The following ZFPM2 variants were observed in gnomAD, a reference collection of about 807,000 sequenced individuals.
ZFPM2 encodes the protein zinc finger protein, FOG family member 2, also known as zinc finger protein ZFPM2.
ZFPM2 carries 20 observed loss-of-function variants against 98.6 expected under a neutral mutation model. That is an observed-to-expected ratio of 0.20 (90% CI 0.14 to 0.29). ZFPM2 has a LOEUF of 0.29. Ranked by LOEUF, ZFPM2 falls within the 10% of genes least tolerant of loss-of-function variation. The probability of loss-of-function intolerance (pLI) is 1.00; values close to 1 mark genes in which losing one functional copy is unlikely to be tolerated. For missense variants in ZFPM2, 1,310 were observed against 1,388.6 expected (o/e 0.94, Z 0.90); for synonymous variants, 518 against 502.7 (o/e 1.03, Z -0.41).
At chr8:105,698,813 A>G (rs1811076022) in intron 5 of ZFPM2, among the ~76,000 whole-genome samples, 1 of 152,150 alleles carries the variant, frequency 6.6e-6, no homozygotes, top group Non-Finnish European at 1.5e-5. Flanking sequence ...CTTCAATTTC[A>G]ATGTTGTTTA....
At chr8:105,434,608 A>C (rs1333890426) in intron 2 of ZFPM2, among the ~76,000 whole-genome samples, 3 of 152,212 alleles carry the variant, frequency 2.0e-5, no homozygotes, top group Admixed American at 6.5e-5. Context: ...TGTGATATCT[A>C]TTCTCTGATA....
At chr8:105,464,946 T>G (rs1246272428) in intron 3 of ZFPM2, among the ~76,000 whole-genome samples, 1 of 138,894 alleles carries the variant, frequency 7.2e-6, no homozygotes, top group African/African-American at 2.9e-5. Flanking sequence ...TGTTTGAAAA[T>G]GCTAAAAAAA....
intron 3 of ZFPM2, among the ~76,000 whole-genome samples, chr8:105,483,948 A>G (rs1319716800): frequency 6.6e-6 from 1 of 151,524 alleles, no homozygotes; most frequent in Non-Finnish European, 1.5e-5. Flanking sequence ...GTTATCCAGG[A>G]TGGTCTCGAT....
chr8:105,384,355 A>C (rs1393850463), intron 1 of ZFPM2, among the ~76,000 whole-genome samples: 1 of 152,198 alleles, frequency 6.6e-6, no homozygotes, highest in Non-Finnish European at 1.5e-5. Context: ...AAGAGAAGTG[A>C]TGATTGCATA....
At chr8:105,760,045 T>G (rs1288363729) in intron 5 of ZFPM2, among the ~76,000 whole-genome samples, 1 of 152,008 alleles carries the variant, frequency 6.6e-6, no homozygotes, top group Non-Finnish European at 1.5e-5. Context: ...GTTCAGGGGC[T>G]TATCCAAAGA....
At chr8:105,440,711 C>T (rs1812219864) in intron 2 of ZFPM2, among the ~76,000 whole-genome samples, 1 of 152,252 alleles carries the variant, frequency 6.6e-6, no homozygotes, top group South Asian at 2.1e-4. Context: ...CACCATAGAA[C>T]AGGAGCTCTA....
At chr8:105,504,560 A>AT (rs1243392095) in intron 3 of ZFPM2, among the ~76,000 whole-genome samples, 1 of 152,108 alleles carries the variant, frequency 6.6e-6, no homozygotes, top group Non-Finnish European at 1.5e-5. Context: ...TCTGTGATAG[A>AT]TTTTCAGTTC....
intron 3 of ZFPM2, among the ~76,000 whole-genome samples, chr8:105,541,663 C>T (rs16873354): frequency 4.6e-5 from 7 of 152,148 alleles, no homozygotes; most frequent in Non-Finnish European, 8.8e-5. Context: ...ATTTTAGTAT[C>T]TTTCACCAGG....
At chr8:105,761,157 G>A (rs997572190) in intron 5 of ZFPM2, among the ~76,000 whole-genome samples, 5 of 151,954 alleles carry the variant, frequency 3.3e-5, no homozygotes, top group South Asian at 2.1e-4. Flanking sequence ...GCAGAGATCC[G>A]CTGACATCTC....
At chr8:105,582,173 C>T (rs1194301585) in intron 4 of ZFPM2, among the ~76,000 whole-genome samples, 1 of 152,180 alleles carries the variant, frequency 6.6e-6, no homozygotes. Context: ...ATTTTACTGA[C>T]CAATCCACCC....
At chr8:105,588,062 T>A (rs563655354) in intron 4 of ZFPM2, among the ~76,000 whole-genome samples, 67 of 152,230 alleles carry the variant, frequency 4.4e-4, no homozygotes, top group African/African-American at 1.3e-3. Context: ...CCTTTAAAAA[T>A]TTTTTTTCCT....
At chr8:105,370,435 G>A (rs908517565) in intron 1 of ZFPM2, among the ~76,000 whole-genome samples, 34 of 152,274 alleles carry the variant, frequency 2.2e-4, no homozygotes, top group Middle Eastern at 3.4e-3. Context: ...CTTTAGAGAC[G>A]TTGTAAAGGG....
At chr8:105,512,712 T>C (rs1162930858) in intron 3 of ZFPM2, among the ~76,000 whole-genome samples, 1 of 152,210 alleles carries the variant, frequency 6.6e-6, no homozygotes, top group Admixed American at 6.5e-5. Context: ...TTTATAAATG[T>C]CAGAGAAGGA....
rs539911307 is a variant in ZFPM2, at chr8:105,465,369, A to G, written c.301+20988A>G. ...TTTTGGACAAATTGAATATAGAACCATATTGATATCTACATCTGTAACTGT... is the reference window on the plus strand; with the variant it reads ...TTTTGGACAAATTGAATATAGAACCGTATTGATATCTACATCTGTAACTGT... On this transcript the variant is annotated intron_variant, in intron 3 of 7. Transcript: ENST00000407775. Among the ~76,000 whole-genome samples the G allele has an allele frequency of 7.2e-4, 110 of 152,168 alleles. 1 individual carries two copies. Among genetic ancestry groups the G allele is most frequent in the African/African-American group, 2.5e-3 (103 of 41,558 alleles).
At chr8:105,626,343 C>A (rs1415021958) in intron 4 of ZFPM2, among the ~76,000 whole-genome samples, 2 of 152,176 alleles carry the variant, frequency 1.3e-5, no homozygotes, top group Non-Finnish European at 2.9e-5. Context: ...AAATTCAATT[C>A]ACTGTCCCTA....
At chr8:105,429,427 G>T (rs1389099782) in intron 2 of ZFPM2, among the ~76,000 whole-genome samples, 2 of 142,510 alleles carry the variant, frequency 1.4e-5, no homozygotes, top group Admixed American at 6.8e-5. Context: ...AAGAAAACGT[G>T]CACAAGTTAG....
In ZFPM2 at chr8:105,510,780, C is replaced by T. The variant is rs560001925; in HGVS notation, c.302-50583C>T. Among the ~76,000 whole-genome samples the T allele has an allele frequency of 2.0e-5, 3 of 152,282 alleles. No homozygotes were observed. The East Asian group carries it at 5.8e-4, about 29-fold the overall frequency. On this transcript the variant is annotated intron_variant, in intron 3 of 7. Coordinates refer to ENST00000407775, the MANE Select transcript of ZFPM2 (RefSeq NM_012082.4). Reference sequence around the variant, plus strand: ...GTTAGGAGATACTGGATCGTGGACTCAGGCACTAGGGTGGGGATGTGAGGG... The same window carrying T: ...GTTAGGAGATACTGGATCGTGGACTTAGGCACTAGGGTGGGGATGTGAGGG...
intron 3 of ZFPM2, among the ~76,000 whole-genome samples, chr8:105,483,703 T>C (rs1247759629): frequency 6.6e-6 from 1 of 152,118 alleles, no homozygotes; most frequent in Non-Finnish European, 1.5e-5. Flanking sequence ...AGATTAATTG[T>C]AATTCTTTTG....
At chr8:105,763,365 A>C (rs945430592) in intron 5 of ZFPM2, among the ~76,000 whole-genome samples, 3 of 151,834 alleles carry the variant, frequency 2.0e-5, no homozygotes, top group Non-Finnish European at 2.9e-5. Flanking sequence ...ACTCCCCAGA[A>C]GGAGACCAGG....
Sources: gnomAD v4.1 joint callset for allele counts (sites outside exome capture counted in the v4.1 genomes callset) on GRCh38, gnomAD v4.1.1 for gene constraint, MANE v1.5 for transcripts, NCBI Gene and HGNC (gene_info 2026-07-23, HGNC 2026-07-21) for gene names.